Variants in STK3 observed in about 807,000 individuals in gnomAD.
STK3 encodes serine/threonine-protein kinase 3.
Under a neutral mutation model 58.0 loss-of-function variants are expected in STK3, and 41 were observed. The ratio of observed to expected loss-of-function variants is 0.71; its 90% CI spans 0.55 to 0.92. STK3 has a LOEUF of 0.92. STK3 is among the 40% of genes least tolerant of loss of function. The pLI, the probability that STK3 is intolerant of heterozygous loss-of-function variation, is 0.00. For synonymous variants in STK3, 170 were observed against 191.0 expected (o/e 0.89, Z 0.91); for missense variants, 479 against 602.7 (o/e 0.79, Z 2.15).
chr8:98,517,446 A>C (rs535209101), intron 10 of STK3, among the ~76,000 whole-genome samples: 1 of 152,204 alleles, frequency 6.6e-6, no homozygotes, highest in African/African-American at 2.4e-5. Context: ...GCATTAATTC[A>C]AGTAGGCCAA....
At chr8:98,513,415 G>T (rs1288229279) in intron 10 of STK3, among the ~76,000 whole-genome samples, 2 of 152,182 alleles carry the variant, frequency 1.3e-5, no homozygotes, top group Non-Finnish European at 2.9e-5. Flanking sequence ...TTTCCTGCAA[G>T]AAGAGGAGAC....
At chr8:98,785,923 T>A (rs942947545) in intron 1 of STK3, among the ~76,000 whole-genome samples, 3 of 152,096 alleles carry the variant, frequency 2.0e-5, no homozygotes, top group Non-Finnish European at 4.4e-5. Context: ...TGTCTCCAGA[T>A]GGGAAGAAAC....
intron 1 of STK3, among the ~76,000 whole-genome samples, chr8:98,904,362 G>A (rs185451770): frequency 6.7e-6 from 1 of 150,114 alleles, no homozygotes; most frequent in Non-Finnish European, 1.5e-5. Flanking sequence ...GCTGTTCAGA[G>A]GCTGAGAATA....
intron 10 of STK3, among the ~76,000 whole-genome samples, chr8:98,472,990 T>C (rs185271790): frequency 6.6e-5 from 10 of 152,294 alleles, no homozygotes; most frequent in Non-Finnish European, 8.8e-5. Context: ...GCACTCAGCA[T>C]TTTTGTAATT....
chr8:98,577,428 A>C (rs936484625), intron 8 of STK3, among the ~76,000 whole-genome samples: 8 of 152,222 alleles, frequency 5.3e-5, no homozygotes, highest in Non-Finnish European at 1.2e-4. Context: ...TGGAGGTTGC[A>C]GTAAGCCAAG....
the STK3 span, among the ~76,000 whole-genome samples, chr8:98,349,811 A>C: frequency 6.6e-6 from 1 of 152,166 alleles, no homozygotes; most frequent in African/African-American, 2.4e-5. Flanking sequence ...CAGCTGGGAC[A>C]CAGGGCACCA....
intron 1 of STK3, among the ~76,000 whole-genome samples, chr8:98,445,470 T>A (rs1818899611): frequency 6.6e-6 from 1 of 152,180 alleles, no homozygotes; most frequent in African/African-American, 2.4e-5. Context: ...TTTCAACACA[T>A]AATAAATATA....
chr8:98,499,786 C>T (rs1313303716), intron 10 of STK3, among the ~76,000 whole-genome samples: 1 of 152,130 alleles, frequency 6.6e-6, no homozygotes. Flanking sequence ...CAATTATATA[C>T]AATGATGAAC....
chr8:98,471,578 T>C (rs553058029), intron 10 of STK3, among the ~76,000 whole-genome samples: 1 of 152,178 alleles, frequency 6.6e-6, no homozygotes, highest in Non-Finnish European at 1.5e-5. Context: ...ATATTTCATG[T>C]AATTTATTGA....
At chr8:98,592,794 C>T (rs1381937374) in intron 7 of STK3, among the ~76,000 whole-genome samples, 1 of 151,516 alleles carries the variant, frequency 6.6e-6, no homozygotes, top group Non-Finnish European at 1.5e-5. Context: ...GACAGAGTCT[C>T]ACTCTGTTGT....
chr8:98,762,542 T>C (rs897718155), intron 3 of STK3, among the ~76,000 whole-genome samples: 2 of 152,200 alleles, frequency 1.3e-5, no homozygotes, highest in Admixed American at 6.5e-5. Flanking sequence ...GCGTGAGCCA[T>C]GGCACCCGGC....
intron 4 of STK3, among the ~76,000 whole-genome samples, chr8:98,731,085 C>T (rs1318764513): frequency 6.6e-6 from 1 of 152,046 alleles, no homozygotes; most frequent in Non-Finnish European, 1.5e-5. Context: ...AGTAGTTGTA[C>T]TAATTTAAAT....
At chr8:98,415,488 T>G (rs1225415343) in intron 3 of STK3, among the ~76,000 whole-genome samples, 1 of 152,178 alleles carries the variant, frequency 6.6e-6, no homozygotes, top group Non-Finnish European at 1.5e-5. Context: ...TCTTCAAACA[T>G]CTTCTCATCT....
intron 3 of STK3, among the ~76,000 whole-genome samples, chr8:98,836,173 C>T (rs1291397878): frequency 2.0e-5 from 3 of 151,978 alleles, no homozygotes; most frequent in Non-Finnish European, 2.9e-5. Flanking sequence ...TGCACTCCAG[C>T]CTGGGCAACA....
rs556542847 is a variant in STK3 at position 98,894,827 on chromosome 8, T to C, written c.-78-10993A>G. Among the ~76,000 whole-genome samples, 21 of 152,322 alleles carry C rather than the reference T, an allele frequency of 1.4e-4. No individual in the cohort carries two copies. The South Asian group carries it at 2.7e-3, about 20-fold the overall frequency. ...TAATTGGAATTTACACTCTGTGAAG[T>C]AGAGGTCTTTGACTTCTTTGTTCAC... On this transcript the variant is annotated intron_variant, in intron 1 of 1. Transcript: ENST00000519420.
chr8:98,705,126 T>C (rs1402484098), intron 6 of STK3, among the ~76,000 whole-genome samples: 1 of 152,160 alleles, frequency 6.6e-6, no homozygotes, highest in East Asian at 1.9e-4. Context: ...TGTATACAAT[T>C]ACATTACTCA....
At chr8:98,637,867 A>C (rs774866503) in intron 6 of STK3, among the ~76,000 whole-genome samples, 1 of 152,174 alleles carries the variant, frequency 6.6e-6, no homozygotes, top group South Asian at 2.1e-4. Flanking sequence ...CCACCATACA[A>C]TTAGGTATAT....
At chr8:98,597,302 C>A in intron 6 of STK3, 1 of 985,330 alleles carries the variant, frequency 1.0e-6, no homozygotes, top group South Asian at 4.7e-5. Flanking sequence ...GACTCAATAT[C>A]CAAGTCTGTT....
intron 8 of STK3, among the ~76,000 whole-genome samples, chr8:98,557,355 T>C (rs1205965341): frequency 6.6e-6 from 1 of 152,082 alleles, no homozygotes; most frequent in East Asian, 1.9e-4. Flanking sequence ...TATAGCAAGG[T>C]GAAACTACTG....
Sources: allele counts gnomAD v4.1 joint callset (sites outside exome capture counted in the v4.1 genomes callset), GRCh38; gene constraint gnomAD v4.1.1; transcripts MANE v1.5; gene names NCBI Gene and HGNC (gene_info 2026-07-23, HGNC 2026-07-21).